GAS2: variants seen among roughly 807,000 people sequenced by gnomAD.
GAS2 encodes growth arrest-specific protein 2.
GAS2 carries 20 observed loss-of-function variants against 37.5 expected under a neutral mutation model. That is an observed-to-expected ratio of 0.53 (90% CI 0.37 to 0.77). GAS2 has a LOEUF of 0.77. Among genes scored for constraint, GAS2 ranks in the 30% least tolerant of loss-of-function variants. The pLI is 0.00. For synonymous variants in GAS2, 144 were observed against 132.2 expected (o/e 1.09, Z -0.61); for missense variants, 336 against 373.4 (o/e 0.90, Z 0.82).
chr11:22,760,026 C>T (rs574547295), intron 7 of GAS2, among the ~76,000 whole-genome samples: 21 of 152,246 alleles, frequency 1.4e-4, no homozygotes, highest in Non-Finnish European at 2.5e-4. Flanking sequence ...TGCAGTGCTG[C>T]GGCTCACTGC....
chr11:22,649,943 T>G (rs1848752352), intron 1 of GAS2, among the ~76,000 whole-genome samples: 1 of 152,130 alleles, frequency 6.6e-6, no homozygotes, highest in Non-Finnish European at 1.5e-5. Context: ...TTTTAGTTAT[T>G]TCTTGTCTTC....
At chr11:22,743,959 A>G (rs1033073787) in intron 5 of GAS2, among the ~76,000 whole-genome samples, 2 of 152,128 alleles carry the variant, frequency 1.3e-5, no homozygotes, top group Admixed American at 1.3e-4. Flanking sequence ...CAAGGATGAC[A>G]CTGTGATTGA....
intron 7 of GAS2, among the ~76,000 whole-genome samples, chr11:22,763,674 G>A (rs1854522891): frequency 6.7e-6 from 1 of 149,450 alleles, no homozygotes; most frequent in South Asian, 2.1e-4. Flanking sequence ...ATCTAATTTA[G>A]CAATGTATGA....
chr11:22,644,511 C>A (rs564488924), intron 1 of GAS2, among the ~76,000 whole-genome samples: 51 of 152,308 alleles, frequency 3.3e-4, no homozygotes, highest in Non-Finnish European at 6.8e-4. Flanking sequence ...ACTACTATAG[C>A]TTACATTTCT....
At chr11:22,751,705 C>T (rs1298013108) in intron 6 of GAS2, among the ~76,000 whole-genome samples, 2 of 151,934 alleles carry the variant, frequency 1.3e-5, no homozygotes, top group African/African-American at 4.8e-5. Context: ...TTTCTTTCTT[C>T]ACTAGCTTGT....
chr11:22,710,257 A>T (rs1851338831), intron 3 of GAS2, among the ~76,000 whole-genome samples: 1 of 152,174 alleles, frequency 6.6e-6, no homozygotes, highest in African/African-American at 2.4e-5. Flanking sequence ...CACTAAAATA[A>T]ATTCCTTTCT....
chr11:22,785,489 C>A (rs897662966), intron 7 of GAS2, among the ~76,000 whole-genome samples: 4 of 152,114 alleles, frequency 2.6e-5, no homozygotes, highest in African/African-American at 9.7e-5. Flanking sequence ...TATTCAAGAA[C>A]AATATTACAT....
At chr11:22,696,786 A>G (rs1461091931) in intron 3 of GAS2, among the ~76,000 whole-genome samples, 8 of 151,802 alleles carry the variant, frequency 5.3e-5, no homozygotes, top group African/African-American at 1.5e-4. Context: ...TTTTTGATGG[A>G]GTTGTTTGTT....
intron 4 of GAS2, among the ~76,000 whole-genome samples, chr11:22,732,628 G>A (rs1357376415): frequency 6.6e-6 from 1 of 151,686 alleles, no homozygotes; most frequent in Non-Finnish European, 1.5e-5. Flanking sequence ...AGAGTGACAT[G>A]ACACAGAGAG....
chr11:22,776,601 T>C (rs550793119), intron 7 of GAS2, among the ~76,000 whole-genome samples: 2 of 152,210 alleles, frequency 1.3e-5, no homozygotes, highest in East Asian at 3.8e-4. Flanking sequence ...TATTTACCTT[T>C]CTGTTAAAAT....
intron 5 of GAS2, among the ~76,000 whole-genome samples, chr11:22,745,461 T>A (rs775351518): frequency 1.3e-5 from 2 of 151,928 alleles, no homozygotes; most frequent in African/African-American, 4.8e-5. Context: ...AAAAATTAGC[T>A]CAAGATACAT....
intron 7 of GAS2, among the ~76,000 whole-genome samples, chr11:22,775,511 G>C (rs1257181225): frequency 3.3e-5 from 5 of 152,248 alleles, no homozygotes; most frequent in Non-Finnish European, 7.4e-5. Flanking sequence ...AATTGGTCGG[G>C]TTTCAAAATG....
In GAS2 at chr11:22,766,011, AACTC is replaced by A. The variant is rs967448822; in HGVS notation, c.723+10064_723+10067del. 3.0e-4 allele frequency among the ~76,000 whole-genome samples: 45 copies of A among 152,146 alleles called. 1 individual carries two copies. The highest frequency in any genetic ancestry group is 2.1e-3 in the Admixed American group (32 of 15,282). On this transcript the variant is annotated intron_variant, in intron 7 of 7. Coordinates refer to ENST00000454584, the MANE Select transcript of GAS2 (RefSeq NM_001143830.3). ...ACACTTTAAAATGACCAAATCTGTGAACTCACTCAGTGCGAGAGCTCACTTATCA... is the reference window on the plus strand; with the variant it reads ...ACACTTTAAAATGACCAAATCTGTGAACTCAGTGCGAGAGCTCACTTATCA...
In GAS2 at chr11:22,726,316, T is replaced by C; in HGVS notation, c.292T>C (p.Cys98Arg). 2 of 1,607,580 alleles carry C rather than the reference T, an allele frequency of 1.2e-6. No individual in the cohort carries two copies. Among genetic ancestry groups the C allele is most frequent in the South Asian group, 1.1e-5 (1 of 89,256 alleles). ...GAATCTACCGTTGAAGAAGATCCCA[T>C]GCAAAACCAGTGCACCCTCGGGCTC... ...TKNLPLKKIP[C>R]KTSAPSGSFF... is the part of the protein sequence containing the mutation. Residue 98 changes from cysteine (C) to arginine (R), a missense_variant, in exon 4 of 8, where the codon TGC (cysteine) becomes CGC (arginine). Transcript: ENST00000454584.
At chr11:22,695,878 AAAAG>A (rs1850481206) in intron 3 of GAS2, among the ~76,000 whole-genome samples, 2 of 152,198 alleles carry the variant, frequency 1.3e-5, no homozygotes, top group African/African-American at 4.8e-5. Context: ...TAATCATGCT[AAAAG>A]AAAGATTCCA....
intron 7 of GAS2, among the ~76,000 whole-genome samples, chr11:22,810,781 T>C (rs1857120695): frequency 7.1e-6 from 1 of 140,358 alleles, no homozygotes; most frequent in African/African-American, 2.6e-5. Context: ...GTGGTAAGAA[T>C]ACAAGTCATC....
intron 7 of GAS2, among the ~76,000 whole-genome samples, chr11:22,775,559 G>A (rs1328881912): frequency 6.6e-6 from 1 of 152,102 alleles, no homozygotes; most frequent in Non-Finnish European, 1.5e-5. Context: ...TTTCTTTGGT[G>A]AGAATTTTAT....
intron 1 of GAS2, among the ~76,000 whole-genome samples, chr11:22,651,738 T>G (rs191646378): frequency 1.8e-4 from 28 of 152,200 alleles, no homozygotes; most frequent in Admixed American, 1.5e-3. Flanking sequence ...GCATTCTTCA[T>G]GTAGTTCTCG....
intron 4 of GAS2, among the ~76,000 whole-genome samples, chr11:22,727,353 G>A (rs956905912): frequency 2.0e-5 from 3 of 151,972 alleles, no homozygotes; most frequent in East Asian, 3.9e-4. Flanking sequence ...TCAAAGTAAG[G>A]TGAGCATCCT....
Sources: allele counts gnomAD v4.1 joint callset (sites outside exome capture counted in the v4.1 genomes callset), GRCh38; gene constraint gnomAD v4.1.1; transcripts MANE v1.5; gene names NCBI Gene and HGNC (gene_info 2026-07-23, HGNC 2026-07-21).